USP34: variants seen among roughly 807,000 people sequenced by gnomAD.
The protein encoded by USP34 is ubiquitin carboxyl-terminal hydrolase 34.
A neutral mutation model predicts 460.3 loss-of-function variants in USP34; 70 were observed. The ratio of observed to expected loss-of-function variants is 0.15; its 90% confidence interval spans 0.13 to 0.19. The LOEUF (loss-of-function observed/expected upper bound fraction) is 0.19. Ranked by LOEUF, USP34 falls within the 10% of genes least tolerant of loss-of-function variation. The probability of loss-of-function intolerance (pLI) is 1.00; values close to 1 mark genes in which losing one functional copy is unlikely to be tolerated. For missense variants in USP34, 3,985 were observed against 4,236.2 expected (o/e 0.94, Z 1.65); for synonymous variants, 1,647 against 1,405.3 (o/e 1.17, Z -3.85).
At chr2:61,395,299 T>C (rs1052251428) in intron 3 of USP34, 66 bp from the exon 4 acceptor site, 8 of 969,608 alleles carry the variant, frequency 8.3e-6, no homozygotes, top group Non-Finnish European at 1.3e-5. Context: ...AATACAATTC[T>C]ATAAAAGACT....
At chr2:61,346,811 GAC>G (rs1033113158) in intron 15 of USP34, among the ~76,000 whole-genome samples, 1 of 106,502 alleles carries the variant, frequency 9.4e-6, no homozygotes, top group Non-Finnish European at 1.8e-5. Context: ...CAGCCTGGGT[GAC>G]AGAGTGAGAT....
At chr2:61,229,498 CA>C in intron 59 of USP34, 49 bp downstream of exon 59, 4 of 952,308 alleles carry the variant, frequency 4.2e-6, no homozygotes, top group Non-Finnish European at 4.5e-6. Flanking sequence ...ACAAAAACAC[CA>C]CACACACACA....
chr2:61,212,927 AC>A (rs1687309073), intron 68 of USP34, among the ~76,000 whole-genome samples: 5 of 151,908 alleles, frequency 3.3e-5, no homozygotes, highest in Non-Finnish European at 7.4e-5. Flanking sequence ...TCCTATCCCG[AC>A]CCCTTTGAAG....
intron 10 of USP34, among the ~76,000 whole-genome samples, chr2:61,353,314 G>A (rs918118381): frequency 2.6e-5 from 4 of 151,034 alleles, no homozygotes; most frequent in Admixed American, 6.6e-5. Context: ...TTTTTTTTGC[G>A]GAACAAAACA....
chr2:61,434,729 T>A (rs997190312), intron 1 of USP34, among the ~76,000 whole-genome samples: 2 of 149,692 alleles, frequency 1.3e-5, no homozygotes, highest in African/African-American at 4.9e-5. Flanking sequence ...CTTATATAAA[T>A]TAAGTCTTTC....
chr2:61,232,412 T>A (rs1286943941), intron 58 of USP34, 40 bp downstream of exon 58: 2 of 1,482,264 alleles, frequency 1.3e-6, no homozygotes, highest in Non-Finnish European at 1.9e-6. Flanking sequence ...GAAAGTAACT[T>A]CTTTTCCAAA....
At chr2:61,399,875 A>C (rs1198007255) in intron 3 of USP34, among the ~76,000 whole-genome samples, 16 of 90,444 alleles carry the variant, frequency 1.8e-4, no homozygotes, top group African/African-American at 6.3e-4. Flanking sequence ...ACTGTCTCCC[A>C]AAAAAAAAAA....
chr2:61,301,211 A>G, intron 28 of USP34, 51 bp from the exon 29 acceptor site: 3 of 1,552,154 alleles, frequency 1.9e-6, no homozygotes, highest in Non-Finnish European at 1.7e-6. Context: ...TTAGTTTAAT[A>G]AAACGGTAAA....
At chr2:61,367,625 C>T (rs1477451791) in intron 10 of USP34, among the ~76,000 whole-genome samples, 2 of 152,080 alleles carry the variant, frequency 1.3e-5, no homozygotes, top group Non-Finnish European at 2.9e-5. Flanking sequence ...ATCTCTATAT[C>T]TCCATCACTA....
Position 61,378,437 on chromosome 2 carries a change from A to G in USP34, c.1015-13T>C. On this transcript the variant is annotated splice_polypyrimidine_tract_variant and intron_variant, in intron 7 of 79. Coordinates refer to ENST00000398571, the MANE Select transcript of USP34 (RefSeq NM_014709.4). The stretch of plus-strand genomic sequence containing the variant: ...TATGGAGTTGATTCTATGATTAAAG[A>G]CAAGAAATTAAGGGTTTTTATTTCC... 1 of 1,571,458 alleles carries G rather than the reference A, an allele frequency of 6.4e-7. No individual in the cohort carries two copies.
chr2:61,396,204 A>G (rs1573000090), intron 3 of USP34, among the ~76,000 whole-genome samples: 1 of 152,192 alleles, frequency 6.6e-6, no homozygotes. Flanking sequence ...TATACTGAAG[A>G]GTTACACGTG....
At position 61,288,891 on chromosome 2, in the gene USP34, G is replaced by T. The variant is rs375626271; in HGVS notation, c.4549-14C>A. On this transcript the variant is annotated splice_polypyrimidine_tract_variant and intron_variant, in intron 33 of 79. Coordinates refer to ENST00000398571, the MANE Select transcript of USP34 (RefSeq NM_014709.4). ...GTCTAGCTGCCACTGTAAATGAGAA[G>T]AAATAGTCAATTCCCTATTTTCATT... is the stretch of plus-strand genomic sequence containing the variant. 31 of 1,609,814 alleles carry T rather than the reference G, an allele frequency of 1.9e-5. No individual in the cohort carries two copies. In the African/African-American group the frequency reaches 4.1e-4, roughly 21 times the overall value.
chr2:61,367,131 G>GT (rs1692464874), intron 10 of USP34, among the ~76,000 whole-genome samples: 2 of 152,142 alleles, frequency 1.3e-5, no homozygotes, highest in South Asian at 4.1e-4. Flanking sequence ...ATCCCTCCTA[G>GT]TAACAGTTCC....
At chr2:61,242,821 G>A (rs541547169) in intron 51 of USP34, among the ~76,000 whole-genome samples, 63 of 152,208 alleles carry the variant, frequency 4.1e-4, no homozygotes, top group African/African-American at 1.5e-3. Context: ...AGGGACAGAG[G>A]CAGACATTTT....
intron 53 of USP34, 25 bp from the exon 54 acceptor site, chr2:61,236,414 G>C (rs980002445): frequency 6.5e-7 from 1 of 1,531,950 alleles, no homozygotes; most frequent in Admixed American, 2.0e-5. Flanking sequence ...GTTAACATTA[G>C]TGATAAAGCA....
chr2:61,357,269 A>T (rs971427744), intron 10 of USP34, among the ~76,000 whole-genome samples: 2 of 152,224 alleles, frequency 1.3e-5, no homozygotes, highest in Non-Finnish European at 2.9e-5. Flanking sequence ...AGAAGCTGAA[A>T]ATCAGTACCA....
chr2:61,190,412 A>G lies in USP34; in HGVS notation c.9732T>C (p.Val3244=). The G allele has an allele frequency of 6.2e-7, 1 of 1,602,440 alleles. No individual in the cohort carries two copies. The highest frequency in any genetic ancestry group is 8.5e-7 in the Non-Finnish European group (1 of 1,176,536). The part of the protein sequence containing the change: ...YTFMTHFLLK[V]QSQVFSEANC... ...TTGCTTCAGAAAACACTTGACTTTGAACCTGAAAAAGAAGATTTAAAAAAA... is the reference window on the plus strand; with the variant it reads ...TTGCTTCAGAAAACACTTGACTTTGGACCTGAAAAAGAAGATTTAAAAAAA... Residue 3244 remains valine (V), a splice_region_variant and synonymous_variant, in exon 78 of 80, where the codon GTT becomes GTC. Coordinates refer to ENST00000398571, the MANE Select transcript of USP34 (RefSeq NM_014709.4).
At chr2:61,194,227 T>C (rs1247715419) in intron 75 of USP34, 1 of 985,298 alleles carries the variant, frequency 1.0e-6, no homozygotes, top group African/African-American at 1.7e-5. Context: ...GATGAGTCCC[T>C]TTAGACACAA....
At chr2:61,375,768 C>CAAAAAAAAAAAAAAAAAA (rs56304309) in intron 8 of USP34, among the ~76,000 whole-genome samples, 17 of 80,862 alleles carry the variant, frequency 2.1e-4, no homozygotes, top group South Asian at 4.7e-4. Flanking sequence ...GACTCTGTCT[C>CAAAAAAAAAAAAAAAAAA]AAAAAAAAAA....
Sources: gnomAD v4.1 joint callset for allele counts (sites outside exome capture counted in the v4.1 genomes callset) on GRCh38, gnomAD v4.1.1 for gene constraint, MANE v1.5 for transcripts, NCBI Gene and HGNC (gene_info 2026-07-23, HGNC 2026-07-21) for gene names.